Variants in GPR39 observed in about 807,000 individuals in gnomAD.
GPR39 encodes the protein zinc sensing receptor.
In GPR39, 23 loss-of-function variants were observed where a neutral mutation model predicts 18.4. The ratio of observed to expected loss-of-function variants is 1.25; its 90% CI spans 0.90 to 1.77. GPR39 has a LOEUF of 1.77. GPR39 is among the 40% of genes most tolerant of loss of function. The pLI is 0.00. For synonymous variants in GPR39, 280 were observed against 257.9 expected, an observed-to-expected ratio of 1.09 and a Z score of -0.82; for missense variants, 647 against 602.4, an observed-to-expected ratio of 1.07 and a Z score of -0.78.
At chr2:132,644,872 A>G (rs899633111) in intron 1 of GPR39, 13 of 565,686 alleles carry the variant, frequency 2.3e-5, no homozygotes, top group African/African-American at 1.9e-4. Context: ...AAAGCATTTA[A>G]TGGTCTTTCT....
At chr2:132,607,784 G>A (rs1214335148) in intron 1 of GPR39, among the ~76,000 whole-genome samples, 1 of 152,148 alleles carries the variant, frequency 6.6e-6, no homozygotes, top group Non-Finnish European at 1.5e-5. Flanking sequence ...TTTCAATATG[G>A]CACGTATTAA....
chr2:132,470,301 G>C (rs1681006148), intron 1 of GPR39, among the ~76,000 whole-genome samples: 3 of 152,162 alleles, frequency 2.0e-5, no homozygotes. Flanking sequence ...AGGTAGACAG[G>C]TGTTCATTTT....
intron 1 of GPR39, among the ~76,000 whole-genome samples, chr2:132,596,485 G>T (rs1168949377): frequency 6.6e-6 from 1 of 151,532 alleles, no homozygotes; most frequent in Non-Finnish European, 1.5e-5. Flanking sequence ...CCCTGCCTTC[G>T]TCCCTTCCCC....
intron 1 of GPR39, among the ~76,000 whole-genome samples, chr2:132,482,045 T>A (rs1334764797): frequency 6.6e-6 from 1 of 152,162 alleles, no homozygotes; most frequent in Non-Finnish European, 1.5e-5. Context: ...CAAGTCCTTC[T>A]CTCAACATTG....
At chr2:132,477,531 A>T (rs1183828623) in intron 1 of GPR39, among the ~76,000 whole-genome samples, 1 of 152,040 alleles carries the variant, frequency 6.6e-6, no homozygotes, top group Non-Finnish European at 1.5e-5. Context: ...GTGCCAATGC[A>T]CTCCAGCCTG....
intron 1 of GPR39, among the ~76,000 whole-genome samples, chr2:132,633,346 GT>G (rs1681686180): frequency 7.7e-6 from 1 of 129,682 alleles, no homozygotes; most frequent in Non-Finnish European, 1.7e-5. Context: ...CTCTGTGTGT[GT>G]GTGTGTGTGT....
At chr2:132,496,431 C>T (rs1451737496) in intron 1 of GPR39, among the ~76,000 whole-genome samples, 2 of 152,192 alleles carry the variant, frequency 1.3e-5, no homozygotes, top group African/African-American at 4.8e-5. Context: ...ACAGGAAGTG[C>T]CTGGTCCCCT....
At chr2:132,608,462 A>T (rs1007356506) in intron 1 of GPR39, among the ~76,000 whole-genome samples, 1 of 152,198 alleles carries the variant, frequency 6.6e-6, no homozygotes, top group Admixed American at 6.5e-5. Flanking sequence ...TGAAGGTCTC[A>T]GTCCCACTGT....
In GPR39 at chr2:132,493,181, A is replaced by ATT. The variant is rs1448242065; in HGVS notation, c.856+75283_856+75284insTT. Among the ~76,000 whole-genome samples the ATT allele has an allele frequency of 1.6e-4, 23 of 143,596 alleles. No homozygotes were observed. The South Asian group carries it at 4.4e-3, about 28-fold the overall frequency. 94.2% of individuals were successfully genotyped at this position (143,596 alleles called of 152,430 possible). ...TATACCATATATACACCATATATAC[A>ATT]CCATATATATACACCATATATACAC... On this transcript the variant is annotated intron_variant, in intron 1 of 1. Transcript: ENST00000329321.
At chr2:132,470,725 C>T (rs1681014605) in intron 1 of GPR39, among the ~76,000 whole-genome samples, 1 of 146,296 alleles carries the variant, frequency 6.8e-6, no homozygotes, top group Non-Finnish European at 1.5e-5. Context: ...CTGTCTATCC[C>T]AGCCTGGGCA....
At chr2:132,494,910 T>C (rs1051935437) in intron 1 of GPR39, among the ~76,000 whole-genome samples, 12 of 152,162 alleles carry the variant, frequency 7.9e-5, no homozygotes, top group Non-Finnish European at 1.5e-5. Context: ...AAATAGGACT[T>C]GTGTGGAACT....
intron 1 of GPR39, among the ~76,000 whole-genome samples, chr2:132,490,768 T>G (rs1299229371): frequency 2.0e-5 from 3 of 150,170 alleles, no homozygotes; most frequent in African/African-American, 7.6e-5. Context: ...TTGCTTCTAG[T>G]AGCCCCTCCT....
At chr2:132,620,854 G>A (rs181780614) in intron 1 of GPR39, among the ~76,000 whole-genome samples, 280 of 152,250 alleles carry the variant, frequency 1.8e-3, no homozygotes, top group African/African-American at 6.5e-3. Context: ...CCAGGTTCAC[G>A]CCATTCTCCT....
rs1204173535 is a variant in GPR39 at position 132,547,798 on chromosome 2, CAAAG to C, written c.857-97300_857-97297del. ...AAAATATAAATAAAGATAAAAGTCT[CAAAG>C]AAGTATCAGATTTTCCTGAATTAGG... On this transcript the variant is annotated intron_variant, in intron 1 of 1. Transcript: ENST00000329321. 3.3e-5 allele frequency among the ~76,000 whole-genome samples: 5 copies of C among 152,266 alleles called. No individual in the cohort carries two copies. In the East Asian group the frequency reaches 7.7e-4, roughly 23 times the overall value.
intron 1 of GPR39, among the ~76,000 whole-genome samples, chr2:132,497,397 G>A (rs1334838905): frequency 6.6e-6 from 1 of 151,870 alleles, no homozygotes; most frequent in East Asian, 1.9e-4. Flanking sequence ...TTCTGGGTGG[G>A]TGGGAGAATC....
chr2:132,643,549 T>C (rs1018281278), intron 1 of GPR39, among the ~76,000 whole-genome samples: 2 of 152,218 alleles, frequency 1.3e-5, no homozygotes, highest in African/African-American at 2.4e-5. Context: ...AGTTTCACTC[T>C]GTCAGCCAGG....
chr2:132,545,053 A>G (rs1679921180), intron 1 of GPR39, among the ~76,000 whole-genome samples: 1 of 152,240 alleles, frequency 6.6e-6, no homozygotes, highest in African/African-American at 2.4e-5. Flanking sequence ...CTGTGGATTT[A>G]TCCGAGACTT....
At chr2:132,590,411 C>G (rs1263489325) in intron 1 of GPR39, among the ~76,000 whole-genome samples, 2 of 152,126 alleles carry the variant, frequency 1.3e-5, no homozygotes, top group Non-Finnish European at 2.9e-5. Context: ...CCCTGAGCTT[C>G]TAGCCCAGAG....
At chr2:132,566,514 T>C (rs1006985692) in intron 1 of GPR39, among the ~76,000 whole-genome samples, 5 of 152,222 alleles carry the variant, frequency 3.3e-5, no homozygotes, top group Non-Finnish European at 5.9e-5. Flanking sequence ...GTGTTTGTTT[T>C]CAGTGTCCTT....
Sources: allele counts gnomAD v4.1 joint callset (sites outside exome capture counted in the v4.1 genomes callset), GRCh38; gene constraint gnomAD v4.1.1; transcripts MANE v1.5; gene names NCBI Gene and HGNC (gene_info 2026-07-23, HGNC 2026-07-21).